KIRREL3: variants seen among roughly 807,000 people sequenced by gnomAD.
The protein encoded by KIRREL3 is kirre like nephrin family adhesion molecule 3.
A neutral mutation model predicts 89.7 loss-of-function variants in KIRREL3; 36 were observed. That is an observed-to-expected ratio of 0.40 (90% confidence interval 0.31 to 0.53). The LOEUF (loss-of-function observed/expected upper bound fraction) is 0.53, where lower values mean the gene tolerates loss of function less well. KIRREL3 is among the 20% of genes least tolerant of loss of function. KIRREL3 has a pLI of 0.49. For synonymous variants in KIRREL3, 445 were observed against 441.4 expected (o/e 1.01, Z -0.10); for missense variants, 864 against 1,056.6 (o/e 0.82, Z 2.53).
intron 1 of KIRREL3, among the ~76,000 whole-genome samples, chr11:126,580,836 G>GTTTTTTTTTTTTTT (rs58691243): frequency 7.1e-6 from 1 of 140,812 alleles, no homozygotes. Context: ...GGAATTTCCT[G>GTTTTTTTTTTTTTT]TTTTTTTTTT....
At chr11:126,545,640 T>TAAAATAAAATA (rs367868978) in intron 2 of KIRREL3, among the ~76,000 whole-genome samples, 3 of 119,612 alleles carry the variant, frequency 2.5e-5, no homozygotes, top group African/African-American at 1.1e-4. Flanking sequence ...TAAAATAAAA[T>TAAAATAAAATA]AAATAAAATA....
At chr11:126,580,422 T>A (rs1318441649) in intron 1 of KIRREL3, among the ~76,000 whole-genome samples, 3 of 151,914 alleles carry the variant, frequency 2.0e-5, no homozygotes, top group Non-Finnish European at 4.4e-5. Flanking sequence ...AGGAGGACAT[T>A]CTAGGAGGAG....
chr11:126,607,771 G>A lies in KIRREL3; in HGVS notation c.56-44859C>T, dbSNP rs1183337304. On this transcript the variant is annotated intron_variant, in intron 1 of 16. Coordinates refer to ENST00000525144, the MANE Select transcript of KIRREL3 (RefSeq NM_032531.4). This position sits in a 1 kb window ranked among gnomAD's most constrained non-coding sequence, Gnocchi z 6.6. The stretch of plus-strand genomic sequence containing the variant: ...TGGAGAAACTTAGTCCTAATGATTT[G>A]CTGAAGGGCCGAGTTGCTTAGCCCT... Among the ~76,000 whole-genome samples the A allele has an allele frequency of 5.9e-5, 9 of 152,150 alleles. No individual in the cohort carries two copies. The highest frequency in any genetic ancestry group is 1.9e-4 in the African/African-American group (8 of 41,440).
rs1951422256 is a variant in KIRREL3 at position 126,812,445 on chromosome 11, T to C, written c.55+188010A>G. 6.6e-6 allele frequency among the ~76,000 whole-genome samples: 1 copy of C among 152,124 alleles called. No homozygotes were observed. Among genetic ancestry groups the C allele is most frequent in the South Asian group, 2.1e-4 (1 of 4,816 alleles). ...TGACACCACTCCACAATTAATATTG[T>C]CCACTGAACAGAATGGTGAACCCTG... On this transcript the variant is annotated intron_variant, in intron 1 of 16. Transcript: ENST00000525144. The surrounding 1 kb of genome is among the most constrained non-coding windows in gnomAD (Gnocchi z 5.2).
rs566500273 is a variant in KIRREL3 at position 126,780,462 on chromosome 11, T to A, written c.56-217550A>T. Reference sequence around the variant, plus strand: ...TCTCACTTACCTGATGTGGAACATATGCTGGGATCAGAATGACAGAGAATA... The same window carrying A: ...TCTCACTTACCTGATGTGGAACATAAGCTGGGATCAGAATGACAGAGAATA... On this transcript the variant is annotated intron_variant, in intron 1 of 16. Coordinates refer to ENST00000525144, the MANE Select transcript of KIRREL3 (RefSeq NM_032531.4). The surrounding 1 kb of genome is among the most constrained non-coding windows in gnomAD (Gnocchi z 5.3). 6.6e-6 allele frequency among the ~76,000 whole-genome samples: 1 copy of A among 152,374 alleles called. No homozygotes were observed. Among genetic ancestry groups the A allele is most frequent in the African/African-American group, 2.4e-5 (1 of 41,594 alleles).
chr11:126,685,500 A>C lies in KIRREL3; in HGVS notation c.56-122588T>G, dbSNP rs118162206. On this transcript the variant is annotated intron_variant, in intron 1 of 16. Coordinates refer to ENST00000525144, the MANE Select transcript of KIRREL3 (RefSeq NM_032531.4). This position sits in a 1 kb window ranked among gnomAD's most constrained non-coding sequence, Gnocchi z 5.5. The stretch of plus-strand genomic sequence containing the variant: ...AAAAGGGGTCTGCCCCCAGTGCATA[A>C]TAATAGCAGTGATAATTAATAATCT... Among the ~76,000 whole-genome samples the C allele has an allele frequency of 0.014, 2,134 of 152,328 alleles. 25 individuals are homozygous for C. Among genetic ancestry groups the C allele is most frequent in the Non-Finnish European group, 0.02 (1,370 of 68,030 alleles).
intron 1 of KIRREL3, among the ~76,000 whole-genome samples, chr11:126,840,266 A>G (rs571475258): frequency 1.3e-5 from 2 of 152,304 alleles, no homozygotes; most frequent in South Asian, 4.2e-4. Context: ...TGGTTTATAT[A>G]TGATTTCTGT....
rs1565423406 is a variant in KIRREL3 at position 126,923,202 on chromosome 11, T to TCC, written c.55+77252_55+77253insGG. Among the ~76,000 whole-genome samples the TCC allele has an allele frequency of 3.2e-3, 25 of 7,758 alleles. 4 individuals carry two copies. The highest frequency in any genetic ancestry group is 6.7e-3 in the African/African-American group (5 of 744). 5.1% of individuals were successfully genotyped at this position (7,758 alleles called of 152,430 possible). On this transcript the variant is annotated intron_variant, in intron 1 of 16. Transcript: ENST00000525144. ...TCTTCTTCTTCTCTTCTTCTTCTTC[T>TCC]TCTTCTTCTTCTTCTTCTTCTTCTT...
At chr11:126,826,817 A>T (rs925412217) in intron 1 of KIRREL3, among the ~76,000 whole-genome samples, 2 of 152,202 alleles carry the variant, frequency 1.3e-5, no homozygotes, top group African/African-American at 2.4e-5. Flanking sequence ...AGTATCTATC[A>T]CGATGCTTAA....
At chr11:126,743,663 T>G (rs1695276575) in intron 1 of KIRREL3, among the ~76,000 whole-genome samples, 1 of 152,256 alleles carries the variant, frequency 6.6e-6, no homozygotes, top group South Asian at 2.1e-4. Context: ...ACTAGCTGTG[T>G]GACCTTATTT....
At chr11:126,846,959 T>C in intron 1 of KIRREL3, among the ~76,000 whole-genome samples, 1 of 112,346 alleles carries the variant, frequency 8.9e-6, no homozygotes, top group East Asian at 3.0e-4. Flanking sequence ...AATAAAAGCA[T>C]AATGAGTTTT....
chr11:126,702,424 A>C, intron 1 of KIRREL3, among the ~76,000 whole-genome samples: 1 of 151,766 alleles, frequency 6.6e-6, no homozygotes, highest in African/African-American at 2.4e-5. Context: ...GGTGGGCATT[A>C]GCCACACTGT....
At chr11:126,667,898 C>T (rs879333058) in intron 1 of KIRREL3, among the ~76,000 whole-genome samples, 1 of 152,118 alleles carries the variant, frequency 6.6e-6, no homozygotes, top group Non-Finnish European at 1.5e-5. Context: ...GATCTTGGGA[C>T]AAAGCAGTTA....
rs1948103027 is a variant in KIRREL3 at position 126,719,813 on chromosome 11, T to G, written c.56-156901A>C. 6.6e-6 allele frequency among the ~76,000 whole-genome samples: 1 copy of G among 152,198 alleles called. No individual in the cohort carries two copies. Among genetic ancestry groups the G allele is most frequent in the Non-Finnish European group, 1.5e-5 (1 of 68,026 alleles). On this transcript the variant is annotated intron_variant, in intron 1 of 16. Transcript: ENST00000525144. This position sits in a 1 kb window ranked among gnomAD's most constrained non-coding sequence, Gnocchi z 4.7. ...TGGTCCAAGACAGCATCACCTTGCA[T>G]CTGTTGAGGCTCCTGAGAGACGCCC...
chr11:126,944,914 T>A (rs931583795), intron 1 of KIRREL3: 1 of 152,228 alleles, frequency 6.6e-6, no homozygotes, highest in Non-Finnish European at 1.5e-5. Flanking sequence ...TCTTTCCACT[T>A]GCCTTTCATT....
chr11:126,440,373 TG>T, intron 11 of KIRREL3, 75 bp downstream of exon 11: 2 of 1,325,424 alleles, frequency 1.5e-6, no homozygotes, highest in Non-Finnish European at 2.1e-6. Flanking sequence ...ACCGCCTGGC[TG>T]GCCACCCAGG....
Position 126,763,381 on chromosome 11 carries a change from A to G in KIRREL3, c.56-200469T>C, listed in dbSNP as rs553685220. ...CAGGGCAGTGCTCCTCACTTCCTCC[A>G]TCTGCTCAGCACCCAACAGTGCTCT... On this transcript the variant is annotated intron_variant, in intron 1 of 16. Coordinates refer to ENST00000525144, the MANE Select transcript of KIRREL3 (RefSeq NM_032531.4). The surrounding 1 kb of genome is among the most constrained non-coding windows in gnomAD (Gnocchi z 4.7). Among the ~76,000 whole-genome samples, 1 of 152,274 alleles carries G rather than the reference A, an allele frequency of 6.6e-6. No homozygotes were observed. Among genetic ancestry groups the G allele is most frequent in the East Asian group, 1.9e-4 (1 of 5,162 alleles).
rs1200313257 is a variant in KIRREL3 at position 126,997,001 on chromosome 11, T to C, written c.55+3454A>G. Among the ~76,000 whole-genome samples the C allele has an allele frequency of 2.0e-5, 3 of 152,112 alleles. No individual in the cohort carries two copies. Among genetic ancestry groups the C allele is most frequent in the Non-Finnish European group, 2.9e-5 (2 of 68,026 alleles). ...GTAGAAGGCGCCAAGTTCTTGCCAC[T>C]GTGGCTCCCCTGTCTATCTCCCCTG... On this transcript the variant is annotated intron_variant, in intron 1 of 16. Transcript: ENST00000525144. This position sits in a 1 kb window ranked among gnomAD's most constrained non-coding sequence, Gnocchi z 4.3.
At chr11:126,894,192 T>C (rs1946045788) in intron 1 of KIRREL3, among the ~76,000 whole-genome samples, 1 of 152,208 alleles carries the variant, frequency 6.6e-6, no homozygotes, top group Non-Finnish European at 1.5e-5. Context: ...AAGGAAGTGA[T>C]GAATTGAGGG....
Sources: allele counts gnomAD v4.1 joint callset (sites outside exome capture counted in the v4.1 genomes callset), GRCh38; gene constraint gnomAD v4.1.1; non-coding constraint Gnocchi (gnomAD v3.1); transcripts MANE v1.5; gene names NCBI Gene and HGNC (gene_info 2026-07-23, HGNC 2026-07-21).